The following RAD51B variants were observed in gnomAD, a reference collection of about 807,000 sequenced individuals.
RAD51B encodes DNA repair protein RAD51 homolog 2.
RAD51B carries 38 observed loss-of-function variants against 42.2 expected under a neutral mutation model. The ratio of observed to expected loss-of-function variants is 0.90; its 90% CI spans 0.70 to 1.18. The LOEUF (loss-of-function observed/expected upper bound fraction) is 1.18, where lower values mean the gene tolerates loss of function less well. Ranked by LOEUF, RAD51B falls within the 50% of genes most tolerant of loss-of-function variation. RAD51B has a pLI of 0.00. For synonymous variants in RAD51B, 154 were observed against 145.2 expected, an observed-to-expected ratio of 1.06 and a Z score of -0.43; for missense variants, 373 against 400.7, an observed-to-expected ratio of 0.93 and a Z score of 0.59.
intron 7 of RAD51B, among the ~76,000 whole-genome samples, chr14:68,193,298 G>A (rs2140909273): frequency 6.6e-6 from 1 of 152,216 alleles, no homozygotes; most frequent in Non-Finnish European, 1.5e-5. Context: ...GGACTTAAAT[G>A]TTGCTCTTTG....
Position 67,836,639 on chromosome 14 carries a change from A to G in RAD51B, c.315+1443A>G, listed in dbSNP as rs184962799. Among the ~76,000 whole-genome samples, 27 of 151,802 alleles carry G rather than the reference A, an allele frequency of 1.8e-4. 1 individual carries two copies. In the East Asian group the frequency reaches 5.0e-3, roughly 28 times the overall value. ...TCACCATGCCTGGCTAATTTTTTGT[A>G]TTTTTACTAGAGATGGGGTTTCACC... On this transcript the variant is annotated intron_variant, in intron 4 of 10. Coordinates refer to ENST00000471583, the MANE Select transcript of RAD51B (RefSeq NM_133510.4).
At chr14:68,338,822 G>C (rs2082511619) in intron 8 of RAD51B, 1 of 593,210 alleles carries the variant, frequency 1.7e-6, no homozygotes, top group Non-Finnish European at 3.2e-6. Context: ...TGCCTCCCCA[G>C]TGACAGTGGA....
At position 68,548,100 on chromosome 14, in the gene RAD51B, T is replaced by C. The variant is rs1286131135; in HGVS notation, c.1037-46385T>C. Among the ~76,000 whole-genome samples, 3 of 152,176 alleles carry C rather than the reference T, an allele frequency of 2.0e-5. No individual in the cohort carries two copies. In the East Asian group the frequency reaches 5.8e-4, roughly 29 times the overall value. On this transcript the variant is annotated intron_variant, in intron 10 of 10. Transcript: ENST00000487270. Reference sequence around the variant, plus strand: ...AGGCAGAGGAGGAAGGAGAGAAACCTAAAGTCAGCAGGATATTCTCATGTT... The same window carrying C: ...AGGCAGAGGAGGAAGGAGAGAAACCCAAAGTCAGCAGGATATTCTCATGTT...
intron 10 of RAD51B, among the ~76,000 whole-genome samples, chr14:68,542,923 T>G (rs868700819): frequency 3.9e-5 from 6 of 152,344 alleles, no homozygotes; most frequent in Middle Eastern, 6.8e-3. Flanking sequence ...CATTGCTTTT[T>G]AAACATGAAA....
chr14:68,013,352 G>A (rs1364267005), intron 7 of RAD51B, among the ~76,000 whole-genome samples: 2 of 152,062 alleles, frequency 1.3e-5, no homozygotes, highest in African/African-American at 4.8e-5. Flanking sequence ...TTGCTCTGTT[G>A]GCCAGAATAA....
At chr14:68,683,091 C>A (rs1893471609) in intron 11 of RAD51B, 2 of 319,814 alleles carry the variant, frequency 6.3e-6, no homozygotes, top group Non-Finnish European at 8.5e-6. Context: ...ATGGGGCCTG[C>A]CAAAACGTAC....
At position 68,428,645 on chromosome 14, in the gene RAD51B, G is replaced by T. The variant is rs547578750; in HGVS notation, c.957+17118G>T. 3.1e-3 allele frequency among the ~76,000 whole-genome samples: 442 copies of T among 143,932 alleles called. 1 individual carries two copies. The highest frequency in any genetic ancestry group is 5.4e-3 in the Non-Finnish European group (357 of 66,464). 94.4% of individuals were successfully genotyped at this position (143,932 alleles called of 152,430 possible). On this transcript the variant is annotated intron_variant, in intron 9 of 10. Transcript: ENST00000471583. ...ATATAATATTCGTTTTCTATGACTG[G>T]CTTATGTCACCTAGCATAATGTCCC...
chr14:68,251,001 C>T (rs984868644), intron 7 of RAD51B, among the ~76,000 whole-genome samples: 4 of 152,142 alleles, frequency 2.6e-5, no homozygotes, highest in African/African-American at 9.7e-5. Flanking sequence ...CTCTTCAGTG[C>T]AGCCTCATAA....
At chr14:67,820,703 G>A (rs1054344924) in intron 1 of RAD51B, among the ~76,000 whole-genome samples, 3 of 152,102 alleles carry the variant, frequency 2.0e-5, no homozygotes, top group African/African-American at 7.2e-5. Flanking sequence ...CAGGGAGACA[G>A]GATGCGTGAC....
intron 8 of RAD51B, among the ~76,000 whole-genome samples, chr14:68,336,343 G>T (rs937654085): frequency 1.3e-5 from 2 of 152,162 alleles, no homozygotes; most frequent in Non-Finnish European, 2.9e-5. Context: ...ATTCAAAAAG[G>T]TAAGATCATT....
intron 7 of RAD51B, among the ~76,000 whole-genome samples, chr14:68,093,541 G>A (rs376160804): frequency 6.6e-6 from 1 of 152,116 alleles, no homozygotes; most frequent in Non-Finnish European, 1.5e-5. Context: ...GGGATCGGTG[G>A]TGATATCCCC....
intron 7 of RAD51B, among the ~76,000 whole-genome samples, chr14:67,913,814 T>C (rs192320276): frequency 8.5e-5 from 13 of 152,258 alleles, no homozygotes; most frequent in Admixed American, 6.5e-4. Context: ...ACTGTTTTAG[T>C]TATTTTTAAA....
At chr14:67,954,951 G>T (rs2074519668) in intron 7 of RAD51B, among the ~76,000 whole-genome samples, 1 of 152,056 alleles carries the variant, frequency 6.6e-6, no homozygotes, top group Admixed American at 6.6e-5. Context: ...GATCAGAGGA[G>T]TAAGAGGACA....
intron 7 of RAD51B, among the ~76,000 whole-genome samples, chr14:68,281,977 CTT>C (rs767661358): frequency 2.8e-5 from 4 of 140,838 alleles, no homozygotes; most frequent in East Asian, 2.0e-4. Context: ...CCAGGACATC[CTT>C]TTTTTTTTTT....
At chr14:68,546,773 A>G (rs955221491) in intron 10 of RAD51B, among the ~76,000 whole-genome samples, 3 of 152,116 alleles carry the variant, frequency 2.0e-5, no homozygotes, top group African/African-American at 7.2e-5. Flanking sequence ...TCTGGCTACT[A>G]TGGGATAGCA....
intron 8 of RAD51B, among the ~76,000 whole-genome samples, chr14:68,338,522 C>T (rs562580687): frequency 6.6e-6 from 1 of 152,218 alleles, no homozygotes; most frequent in Non-Finnish European, 1.5e-5. Context: ...ATCAGTCTGG[C>T]ACAGGTGATA....
At chr14:68,148,947 T>C (rs1471126675) in intron 7 of RAD51B, among the ~76,000 whole-genome samples, 1 of 152,250 alleles carries the variant, frequency 6.6e-6, no homozygotes, top group Non-Finnish European at 1.5e-5. Flanking sequence ...AAAGAACTTA[T>C]TGAGTCATAA....
At chr14:67,903,989 A>C (rs1347842171) in intron 7 of RAD51B, among the ~76,000 whole-genome samples, 1 of 151,390 alleles carries the variant, frequency 6.6e-6, no homozygotes, top group East Asian at 1.9e-4. Flanking sequence ...TCTACTTACA[A>C]GTGAGGACAT....
Position 68,667,804 on chromosome 14 carries a change from T to C in RAD51B, c.*11+16948T>C, listed in dbSNP as rs541319750. 2.0e-4 allele frequency among the ~76,000 whole-genome samples: 31 copies of C among 152,344 alleles called. 1 individual carries two copies. The South Asian group carries it at 6.0e-3, about 30-fold the overall frequency. ...ATATCTCCATTGGTTTACTTTTCAC[T>C]GTTTGAGGAATTCTCCTCCCAGCTA... is the stretch of plus-strand genomic sequence containing the variant. On this transcript the variant is annotated intron_variant, in intron 11 of 11. Transcript: ENST00000488612.
Sources: gnomAD v4.1 joint callset for allele counts (sites outside exome capture counted in the v4.1 genomes callset) on GRCh38, gnomAD v4.1.1 for gene constraint, MANE v1.5 for transcripts, NCBI Gene and HGNC (gene_info 2026-07-23, HGNC 2026-07-21) for gene names.